Variants in ZNF582 observed in about 807,000 individuals in gnomAD.
ZNF582 encodes zinc finger protein 582.
A neutral mutation model predicts 12.3 loss-of-function variants in ZNF582; 14 were observed. The observed-to-expected ratio is 1.14, with a 90% CI of 0.75 to 1.78. The LOEUF (loss-of-function observed/expected upper bound fraction) is 1.78, where lower values mean the gene tolerates loss of function less well. Among genes scored for constraint, ZNF582 ranks in the 40% most tolerant of loss-of-function variants. The pLI is 0.00. For synonymous variants in ZNF582, 210 were observed against 207.2 expected, an observed-to-expected ratio of 1.01 and a Z score of -0.11; for missense variants, 567 against 616.5, an observed-to-expected ratio of 0.92 and a Z score of 0.85.
At chr19:56,385,347 T>C (rs114405293) in intron 4 of ZNF582, among the ~76,000 whole-genome samples, 163 bp from the exon 5 acceptor site, 1 of 152,136 alleles carries the variant, frequency 6.6e-6, no homozygotes, top group African/African-American at 2.4e-5. Context: ...ATAACATACA[T>C]GAGATGAGGG....
At chr19:56,393,098 T>C (rs1462609408) in intron 1 of ZNF582, 122 bp downstream of exon 1, 4 of 836,838 alleles carry the variant, frequency 4.8e-6, no homozygotes, top group African/African-American at 3.7e-5. Context: ...TGGGGTCTTG[T>C]AACTCTCTGA....
At chr19:56,391,932 A>G in intron 1 of ZNF582, 100 bp from the exon 2 acceptor site, 1 of 1,002,982 alleles carries the variant, frequency 1.0e-6, no homozygotes, top group Non-Finnish European at 1.5e-6. Flanking sequence ...GCCCACCAAG[A>G]AAATGAGAAG....
intron 2 of ZNF582, 106 bp downstream of exon 2, chr19:56,391,636 CTT>C (rs895886913): frequency 3.1e-6 from 3 of 962,652 alleles, no homozygotes; most frequent in Non-Finnish European, 5.0e-6. Flanking sequence ...CTGCCTGGTC[CTT>C]TTATTCCCTA....
rs916115995 is a variant in ZNF582 at position 56,393,272 on chromosome 19, A to T, written c.-133T>A. On this transcript the variant is annotated 5_prime_UTR_variant, in exon 1 of 5. Coordinates refer to ENST00000586929, the Ensembl canonical transcript of ZNF582. ...AGGCTGGAAGCAGAAAGGGGGCGCCAGAAAGCGCACGCCGCGAGGGCCGGC... is the reference window on the plus strand; with the variant it reads ...AGGCTGGAAGCAGAAAGGGGGCGCCTGAAAGCGCACGCCGCGAGGGCCGGC... 8.0e-6 allele frequency: 10 copies of T among 1,244,184 alleles called. No individual in the cohort carries two copies. In the Admixed American group the frequency reaches 2.0e-4, roughly 25 times the overall value. 77.1% of individuals were successfully genotyped at this position (1,244,184 alleles called of 1,614,324 possible).
At chr19:56,390,576 T>G in intron 2 of ZNF582, 75 bp from the exon 3 acceptor site, 1 of 1,556,240 alleles carries the variant, frequency 6.4e-7, no homozygotes, top group Non-Finnish European at 8.8e-7. Context: ...GGGGCAGGTC[T>G]TTGCGGGAGG....
chr19:56,393,371 G>T, exon 1 of ZNF582: 2 of 857,424 alleles, frequency 2.3e-6, no homozygotes, highest in Non-Finnish European at 3.4e-6. Flanking sequence ...TCTCAGGCCT[G>T]AGACCCAACC....
At chr19:56,384,839 T>C (rs1207042358) in exon 5 of ZNF582, 1 of 1,606,790 alleles carries the variant, frequency 6.2e-7, no homozygotes. Context: ...CTCATTAGTA[T>C]AAATTCCTTG....
chr19:56,383,978 T>G, exon 5 of ZNF582: 7 of 1,614,006 alleles, frequency 4.3e-6, no homozygotes, highest in Non-Finnish European at 5.9e-6. Flanking sequence ...ATTTATTATA[T>G]TCACATGTGT....
At chr19:56,390,089 G>A (rs765758743) in exon 4 of ZNF582, 35 of 1,613,472 alleles carry the variant, frequency 2.2e-5, no homozygotes, top group African/African-American at 6.7e-5. Flanking sequence ...GTTTGGAAAC[G>A]GCAAGACCTG....
Position 56,390,000 on chromosome 19 carries a change from C to G in ZNF582, c.232+1G>C. 3.1e-6 allele frequency: 5 copies of G among 1,613,616 alleles called. No individual in the cohort carries two copies. Among genetic ancestry groups the G allele is most frequent in the Non-Finnish European group, 4.2e-6 (5 of 1,179,648 alleles). On this transcript the variant is annotated splice_donor_variant, in intron 4 of 4. Coordinates refer to ENST00000586929, the Ensembl canonical transcript of ZNF582. LOFTEE classifies it high-confidence loss of function. ...TCCCTTCCCAATGATACCTCACTCA[C>G]CTGGACACAGGCCTCCAGACACCAC...
At chr19:56,391,951 G>T in intron 1 of ZNF582, 119 bp from the exon 2 acceptor site, 1 of 810,388 alleles carries the variant, frequency 1.2e-6, no homozygotes. Flanking sequence ...AGGAGGGGGA[G>T]GCAAAGGGAT....
At chr19:56,392,358 C>G (rs2042021574) in intron 1 of ZNF582, among the ~76,000 whole-genome samples, 1 of 152,230 alleles carries the variant, frequency 6.6e-6, no homozygotes, top group African/African-American at 2.4e-5. Context: ...TGGAGCATGC[C>G]TTGCATCAAC....
At chr19:56,388,832 C>T (rs1185602037) in intron 4 of ZNF582, among the ~76,000 whole-genome samples, 1 of 152,076 alleles carries the variant, frequency 6.6e-6, no homozygotes, top group African/African-American at 2.4e-5. Context: ...GAGGTTTCAC[C>T]ATGTTGGCCA....
chr19:56,385,463 A>C (rs1479660283), intron 4 of ZNF582, among the ~76,000 whole-genome samples: 1 of 152,214 alleles, frequency 6.6e-6, no homozygotes, highest in East Asian at 1.9e-4. Flanking sequence ...AGAAGGGAGA[A>C]TCACTTGAGG....
At chr19:56,390,223 G>C in intron 3 of ZNF582, 127 bp from the exon 4 acceptor site, 1 of 1,343,922 alleles carries the variant, frequency 7.4e-7, no homozygotes. Flanking sequence ...ACAGTTGCCT[G>C]GGGGTAGGGG....
chr19:56,393,451 C>A (rs761480545), exon 1 of ZNF582: 1 of 528,222 alleles, frequency 1.9e-6, no homozygotes, highest in Non-Finnish European at 3.7e-6. Flanking sequence ...CCTGCCGCCT[C>A]CTCGGGTCCA....
intron 4 of ZNF582, chr19:56,386,108 T>C (rs1470894724): frequency 6.6e-6 from 1 of 152,192 alleles, no homozygotes; most frequent in Admixed American, 6.5e-5. Context: ...GTAAATCTTG[T>C]ATTTTACCAC....
At position 56,391,861 on chromosome 19, in the gene ZNF582, G is replaced by A. The variant is rs1471685764; in HGVS notation, c.-80-29C>T. The A allele has an allele frequency of 1.2e-5, 19 of 1,593,868 alleles. No individual in the cohort carries two copies. The East Asian group carries it at 3.6e-4, about 30-fold the overall frequency. On this transcript the variant is annotated intron_variant, in intron 1 of 4. Transcript: ENST00000586929. ...GGGGAGGAAAGAGCAAACATGAGAG[G>A]CTAGGCTTGCCTCACAGTTCCTAGA... is the stretch of plus-strand genomic sequence containing the variant.
In ZNF582 at chr19:56,391,844, AAG is replaced by A; in HGVS notation, c.-80-14_-80-13del. On this transcript the variant is annotated splice_polypyrimidine_tract_variant and intron_variant, in intron 1 of 4. Transcript: ENST00000586929. ...CTGCGACGGTAGAGCTGGGGGAGGA[AAG>A]AGCAAACATGAGAGGCTAGGCTTGC... 1 of 1,611,904 alleles carries A rather than the reference AAG, an allele frequency of 6.2e-7. No homozygotes were observed. The highest frequency in any genetic ancestry group is 8.5e-7 in the Non-Finnish European group (1 of 1,178,586).
Sources: allele counts gnomAD v4.1 joint callset (sites outside exome capture counted in the v4.1 genomes callset), GRCh38; gene constraint gnomAD v4.1.1; transcripts MANE v1.5; gene names NCBI Gene and HGNC (gene_info 2026-07-23, HGNC 2026-07-21).